Variants in KIF11 observed in about 807,000 individuals in gnomAD.
KIF11 encodes the protein kinesin-like protein KIF11.
Under a neutral mutation model 121.0 loss-of-function variants are expected in KIF11, and 9 were observed. That is an observed-to-expected ratio of 0.07 (90% CI 0.04 to 0.13). The LOEUF (loss-of-function observed/expected upper bound fraction) is 0.13, where lower values mean the gene tolerates loss of function less well. KIF11 is among the 10% of genes least tolerant of loss of function. KIF11 has a pLI of 1.00. For synonymous variants in KIF11, 408 were observed against 421.0 expected, an observed-to-expected ratio of 0.97 and a Z score of 0.38; for missense variants, 846 against 1,217.5, an observed-to-expected ratio of 0.69 and a Z score of 4.54.
intron 1 of KIF11, among the ~76,000 whole-genome samples, chr10:92,595,953 A>G (rs150739990): frequency 1.3e-5 from 2 of 152,052 alleles, no homozygotes; most frequent in Admixed American, 6.6e-5. Context: ...TATATACCAC[A>G]TTTTGCTTGT....
intron 8 of KIF11, among the ~76,000 whole-genome samples, chr10:92,614,021 T>TATACACACACACACACACACACACAC (rs1284311727): frequency 2.4e-5 from 3 of 127,052 alleles, no homozygotes; most frequent in African/African-American, 9.7e-5. Flanking sequence ...AGTATGTGTA[T>TATACACACACACACACACACACACAC]ACACACACAC....
At chr10:92,637,053 A>AAT in intron 14 of KIF11, 131 bp from the exon 15 acceptor site, 2 of 659,206 alleles carry the variant, frequency 3.0e-6, no homozygotes, top group Non-Finnish European at 4.7e-6. Context: ...AAAAAAAAAA[A>AAT]GAATGGAGAA....
intron 4 of KIF11, among the ~76,000 whole-genome samples, chr10:92,607,942 G>T: frequency 6.6e-6 from 1 of 151,806 alleles, no homozygotes. Context: ...ATCACCTGAG[G>T]TCAGCAGTTC....
Position 92,613,150 on chromosome 10 carries a change from C to G in KIF11, c.789+20C>G, listed in dbSNP as rs1449102436. On this transcript the variant is annotated intron_variant, in intron 7 of 21. Transcript: ENST00000260731. This position sits in a 1 kb window ranked among gnomAD's most constrained non-coding sequence, Gnocchi z 4.2. The stretch of plus-strand genomic sequence containing the variant: ...AACTTGGTAAGCATCCACCTTAATA[C>G]TACTGTTTCACTCTTAAACACCTTA... 5.1e-6 allele frequency: 8 copies of G among 1,556,082 alleles called. No individual in the cohort carries two copies. Among genetic ancestry groups the G allele is most frequent in the Non-Finnish European group, 7.1e-6 (8 of 1,131,272 alleles).
Position 92,653,835 on chromosome 10 carries a change from TTAAAAA to T in KIF11, c.*45_*50del, listed in dbSNP as rs778673596. 126 of 1,577,086 alleles carry T rather than the reference TTAAAAA, an allele frequency of 8.0e-5. 1 individual carries two copies. Among genetic ancestry groups the T allele is most frequent in the African/African-American group, 7.3e-4 (53 of 72,836 alleles). On this transcript the variant is annotated 3_prime_UTR_variant, in exon 22 of 22. Transcript: ENST00000260731. ...TGGCAATTTTATTTTTAAAGAAAAC[TTAAAAA>T]TAAAACCTGAAACCCCAGAACTTGA...
chr10:92,651,567 G>T (rs1465556040), intron 21 of KIF11, among the ~76,000 whole-genome samples: 95 of 102,004 alleles, frequency 9.3e-4, no homozygotes, highest in South Asian at 1.5e-3. Context: ...GGGTTTCTCT[G>T]TGTTGGTCAG....
chr10:92,634,315 T>C (rs1044036247), intron 14 of KIF11, among the ~76,000 whole-genome samples: 5 of 148,750 alleles, frequency 3.4e-5, no homozygotes, highest in African/African-American at 1.2e-4. Flanking sequence ...TATTTATTTA[T>C]TTTTTTCAGC....
At chr10:92,615,980 C>T (rs1844550633) in intron 8 of KIF11, among the ~76,000 whole-genome samples, 1 of 139,714 alleles carries the variant, frequency 7.2e-6, no homozygotes, top group African/African-American at 3.2e-5. Context: ...GCTGGGATTA[C>T]AGGCGCCACC....
At chr10:92,650,332 A>T (rs1844967423) in intron 20 of KIF11, 69 bp from the exon 21 acceptor site, 1 of 856,882 alleles carries the variant, frequency 1.2e-6, no homozygotes, top group Admixed American at 1.9e-5. Context: ...TTATACTCAA[A>T]GCTGCTGTTA....
chr10:92,647,086 C>A (rs988969305), intron 18 of KIF11, among the ~76,000 whole-genome samples: 1 of 152,164 alleles, frequency 6.6e-6, no homozygotes, highest in Non-Finnish European at 1.5e-5. Flanking sequence ...CACAGCAAAG[C>A]ATTTTGTGCT....
At chr10:92,608,401 T>A (rs1277986427) in intron 4 of KIF11, among the ~76,000 whole-genome samples, 2 of 152,112 alleles carry the variant, frequency 1.3e-5, no homozygotes, top group African/African-American at 4.8e-5. Context: ...AGATATGGAA[T>A]AGGCTTAAAG....
chr10:92,637,757 T>G (rs1815937080), intron 16 of KIF11, among the ~76,000 whole-genome samples: 1 of 152,178 alleles, frequency 6.6e-6, no homozygotes, highest in Non-Finnish European at 1.5e-5. Context: ...TAGAACCCCA[T>G]GCAGAACCAC....
At position 92,609,307 on chromosome 10, in the gene KIF11, T is replaced by A. The variant is rs12767141; in HGVS notation, c.574-78T>A. On this transcript the variant is annotated intron_variant, in intron 5 of 21. Transcript: ENST00000260731. ...GAGAGAGAGAGAGAGAGAGAGAGTG[T>A]GTGTGTGTGTGTGTGTGTGTGTGTG... is the stretch of plus-strand genomic sequence containing the variant. The A allele has an allele frequency of 8.1e-3, 4,184 of 517,412 alleles. 8 individuals carry two copies. Among genetic ancestry groups the A allele is most frequent in the Middle Eastern group, 8.4e-3 (10 of 1,188 alleles). 32.1% of individuals were successfully genotyped at this position (517,412 alleles called of 1,614,324 possible).
At chr10:92,630,125 A>T (rs935869641) in intron 11 of KIF11, 51 bp from the exon 12 acceptor site, 1 of 905,434 alleles carries the variant, frequency 1.1e-6, no homozygotes, top group Non-Finnish European at 1.6e-6. Flanking sequence ...CTTATGAACT[A>T]GCTAGATATC....
intron 18 of KIF11, among the ~76,000 whole-genome samples, chr10:92,647,852 C>T (rs895805880): frequency 6.6e-6 from 1 of 152,056 alleles, no homozygotes; most frequent in African/African-American, 2.4e-5. Context: ...TGTGGTGGCT[C>T]ATGCCTGTAA....
At chr10:92,647,745 T>G (rs1844935291) in intron 18 of KIF11, among the ~76,000 whole-genome samples, 1 of 152,148 alleles carries the variant, frequency 6.6e-6, no homozygotes, top group Non-Finnish European at 1.5e-5. Context: ...CACTTGTTGG[T>G]AAATGTTGAA....
In KIF11 at chr10:92,593,342, G is replaced by A. The variant is rs756475965; in HGVS notation, c.-34G>A. Reference sequence around the variant, plus strand: ...TCCGCCCCTCACAGCGCCCAGGTCCGCGGCCGGGCCTTGATTTTTTGGCGG... The same window carrying A: ...TCCGCCCCTCACAGCGCCCAGGTCCACGGCCGGGCCTTGATTTTTTGGCGG... On this transcript the variant is annotated 5_prime_UTR_variant, in exon 1 of 22. Transcript: ENST00000260731. 2 of 1,585,788 alleles carry A rather than the reference G, an allele frequency of 1.3e-6. No individual in the cohort carries two copies. Among genetic ancestry groups the A allele is most frequent in the South Asian group, 1.1e-5 (1 of 87,166 alleles).
chr10:92,645,776 G>T, intron 18 of KIF11, 134 bp downstream of exon 18: 1 of 662,912 alleles, frequency 1.5e-6, no homozygotes, highest in Non-Finnish European at 2.5e-6. Context: ...TATAATATTT[G>T]GTATGCTTAC....
At position 92,645,378 on chromosome 10, in the gene KIF11, A is replaced by G; in HGVS notation, c.2283A>G (p.Ile761Met). ...TTTCCTATAGGAAATCTAAGGATAT[A>G]GTCAACAAAATGACTTTTCACAGTC... ...QENIQQKSKD[I>M]VNKMTFHSQK... The change falls in exon 18 of 22, where the codon ATA becomes ATG. Residue 761 changes from isoleucine (I) to methionine (M), a missense_variant. Physicochemically the swap from Ile to Met is conservative, Grantham distance 10 (BLOSUM62 1). Coordinates refer to ENST00000260731, the MANE Select transcript of KIF11 (RefSeq NM_004523.4). The G allele has an allele frequency of 1.2e-6, 2 of 1,609,558 alleles. No homozygotes were observed. Among genetic ancestry groups the G allele is most frequent in the South Asian group, 2.2e-5 (2 of 90,658 alleles).
Sources: gnomAD v4.1 joint callset for allele counts (sites outside exome capture counted in the v4.1 genomes callset) on GRCh38, gnomAD v4.1.1 for gene constraint, Gnocchi (gnomAD v3.1) non-coding constraint, MANE v1.5 for transcripts, NCBI Gene and HGNC (gene_info 2026-07-23, HGNC 2026-07-21) for gene names.